Variants in TENM3 observed in about 807,000 individuals in gnomAD.
TENM3 encodes the protein teneurin-3.
TENM3 carries 63 observed loss-of-function variants against 255.1 expected under a neutral mutation model. The observed-to-expected ratio is 0.25, with a 90% CI of 0.20 to 0.30. The LOEUF (loss-of-function observed/expected upper bound fraction) is 0.30, where lower values mean the gene tolerates loss of function less well. Ranked by LOEUF, TENM3 falls within the 10% of genes least tolerant of loss-of-function variation. TENM3 has a pLI of 1.00. For missense variants in TENM3, 2,929 were observed against 3,461.1 expected (o/e 0.85, Z 3.86); for synonymous variants, 1,306 against 1,322.3 (o/e 0.99, Z 0.27).
chr4:182,335,356 G>A (rs1051633744), intron 2 of TENM3, among the ~76,000 whole-genome samples: 207 of 143,114 alleles, frequency 1.4e-3, no homozygotes, highest in Admixed American at 3.2e-3. Flanking sequence ...TTAGCCGGGC[G>A]CGGTGGCAGG....
chr4:182,312,316 C>T (rs893927221), intron 1 of TENM3, among the ~76,000 whole-genome samples: 1 of 152,120 alleles, frequency 6.6e-6, no homozygotes, highest in Non-Finnish European at 1.5e-5. Context: ...GAGCTGTGAT[C>T]GTACCACCGT....
intron 1 of TENM3, among the ~76,000 whole-genome samples, chr4:182,222,131 C>T (rs1470246966): frequency 6.6e-6 from 1 of 152,116 alleles, no homozygotes. Flanking sequence ...TTCAGGATTG[C>T]CCCGGGGAGT....
intron 3 of TENM3, among the ~76,000 whole-genome samples, chr4:182,430,203 T>G (rs1298056725): frequency 6.6e-6 from 1 of 152,222 alleles, no homozygotes; most frequent in Non-Finnish European, 1.5e-5. Flanking sequence ...AGGCCACTTC[T>G]TCTGCAAAGA....
chr4:182,308,235 C>G (rs1467288894), intron 1 of TENM3, among the ~76,000 whole-genome samples: 1 of 152,226 alleles, frequency 6.6e-6, no homozygotes, highest in Admixed American at 6.5e-5. Flanking sequence ...CCCCAACCCC[C>G]TCAGCAGATG....
At chr4:182,090,178 C>T in the TENM3 span, among the ~76,000 whole-genome samples, 1 of 152,108 alleles carries the variant, frequency 6.6e-6, no homozygotes, top group Non-Finnish European at 1.5e-5. Flanking sequence ...GGTTAATTCA[C>T]CTTTTCTCAA....
the TENM3 span, among the ~76,000 whole-genome samples, chr4:181,673,102 A>G: frequency 6.6e-6 from 1 of 152,192 alleles, no homozygotes; most frequent in African/African-American, 2.4e-5. Flanking sequence ...CCTAGCCAAC[A>G]CACAGTAGTC....
chr4:182,260,027 T>C (rs1268627776), intron 1 of TENM3, among the ~76,000 whole-genome samples: 3 of 152,194 alleles, frequency 2.0e-5, no homozygotes, highest in African/African-American at 7.2e-5. Context: ...CGTAACGTAA[T>C]GTCCTCCAGT....
At chr4:181,543,566 CT>C in the TENM3 span, among the ~76,000 whole-genome samples, 1 of 152,186 alleles carries the variant, frequency 6.6e-6, no homozygotes, top group Non-Finnish European at 1.5e-5. Flanking sequence ...GCTTTTCTGA[CT>C]TTGACAATAT....
chr4:181,972,836 C>T, the TENM3 span, among the ~76,000 whole-genome samples: 16 of 152,190 alleles, frequency 1.1e-4, no homozygotes, highest in Admixed American at 2.0e-4. Context: ...TCTAAGCTCA[C>T]TTGAGTCTGT....
At chr4:181,808,032 A>C in the TENM3 span, among the ~76,000 whole-genome samples, 2 of 152,204 alleles carry the variant, frequency 1.3e-5, no homozygotes, top group Middle Eastern at 3.2e-3. Flanking sequence ...AGCTCCCTAA[A>C]TATTTTAACA....
At chr4:181,752,304 C>A in the TENM3 span, among the ~76,000 whole-genome samples, 8 of 152,134 alleles carry the variant, frequency 5.3e-5, no homozygotes, top group African/African-American at 1.9e-4. Context: ...AATCCCAGCA[C>A]TTTGGGAGGC....
At chr4:181,742,574 G>C in the TENM3 span, among the ~76,000 whole-genome samples, 1 of 152,064 alleles carries the variant, frequency 6.6e-6, no homozygotes, top group Non-Finnish European at 1.5e-5. Context: ...TAAGAATAAA[G>C]ATGTATGTGT....
At chr4:182,468,825 TGTGTGTG>T (rs1561480242) in intron 3 of TENM3, among the ~76,000 whole-genome samples, 1 of 1,962 alleles carries the variant, frequency 5.1e-4, no homozygotes, top group Non-Finnish European at 1.6e-3. Flanking sequence ...CCTGTGTGCT[TGTGTGTG>T]TGTGTGTGTG....
intron 4 of TENM3, among the ~76,000 whole-genome samples, chr4:182,613,184 T>C (rs541024233): frequency 9.2e-5 from 14 of 152,158 alleles, no homozygotes; most frequent in Non-Finnish European, 1.9e-4. Flanking sequence ...ACATGGTCTT[T>C]TTCATTTCCA....
intron 16 of TENM3, among the ~76,000 whole-genome samples, chr4:182,734,640 A>G (rs1246518556): frequency 6.6e-6 from 1 of 152,186 alleles, no homozygotes; most frequent in East Asian, 1.9e-4. Flanking sequence ...TCCTAACCGA[A>G]TGTTTAACGG....
At chr4:182,764,946 A>C (rs796355761) in intron 22 of TENM3, among the ~76,000 whole-genome samples, 14 of 152,320 alleles carry the variant, frequency 9.2e-5, no homozygotes, top group African/African-American at 3.4e-4. Context: ...AGGACATGAA[A>C]TGTAACTTGC....
At chr4:181,533,301 C>A in the TENM3 span, among the ~76,000 whole-genome samples, 1 of 152,150 alleles carries the variant, frequency 6.6e-6, no homozygotes, top group African/African-American at 2.4e-5. Flanking sequence ...AGGCCACTGA[C>A]CTATTGTGTC....
chr4:182,217,621 A>G (rs1405160920), intron 1 of TENM3, among the ~76,000 whole-genome samples: 1 of 152,110 alleles, frequency 6.6e-6, no homozygotes, highest in African/African-American at 2.4e-5. Context: ...TACCCATTTT[A>G]CAGATGAGGA....
the TENM3 span, among the ~76,000 whole-genome samples, chr4:181,940,422 C>A: frequency 2.6e-5 from 4 of 152,118 alleles, no homozygotes; most frequent in Non-Finnish European, 5.9e-5. Context: ...GTATTTACTA[C>A]GCATTGAATC....
Sources: gnomAD v4.1 joint callset for allele counts (sites outside exome capture counted in the v4.1 genomes callset) on GRCh38, gnomAD v4.1.1 for gene constraint, MANE v1.5 for transcripts, NCBI Gene and HGNC (gene_info 2026-07-23, HGNC 2026-07-21) for gene names.